Variants in AFP observed in about 807,000 individuals in gnomAD.
AFP encodes alpha fetoprotein.
Under a neutral mutation model 78.9 loss-of-function variants are expected in AFP, and 64 were observed. The observed-to-expected ratio is 0.81, with a 90% CI of 0.66 to 1.00. The LOEUF (loss-of-function observed/expected upper bound fraction) is 1.00. AFP is among the 50% of genes least tolerant of loss of function. AFP has a pLI of 0.00. For synonymous variants in AFP, 254 were observed against 243.8 expected, an observed-to-expected ratio of 1.04 and a Z score of -0.39; for missense variants, 689 against 703.8, an observed-to-expected ratio of 0.98 and a Z score of 0.24.
chr4:73,438,917 G>A (rs533964467), intron 3 of AFP, among the ~76,000 whole-genome samples: 5 of 152,194 alleles, frequency 3.3e-5, no homozygotes, highest in African/African-American at 9.6e-5. Flanking sequence ...CTGAGGCTCA[G>A]AGAATTTAAG....
Position 73,452,399 on chromosome 4 carries a change from A to G in AFP, c.1429-2A>G, listed in dbSNP as rs1360771195. ...ACTTTTTTTTCTCATTCTCCTAACC[A>G]GGCTGACATTATTATCGGACACTTA... is the stretch of plus-strand genomic sequence containing the variant. On this transcript the variant is annotated splice_acceptor_variant, in intron 11 of 14. Transcript: ENST00000395792. LOFTEE classifies it high-confidence loss of function. 2 of 1,613,648 alleles carry G rather than the reference A, an allele frequency of 1.2e-6. No homozygotes were observed. Among genetic ancestry groups the G allele is most frequent in the Admixed American group, 3.3e-5 (2 of 60,000 alleles).
At chr4:73,449,247 C>T (rs912783011) in intron 8 of AFP, 88 bp from the exon 9 acceptor site, 1 of 1,186,280 alleles carries the variant, frequency 8.4e-7, no homozygotes, top group African/African-American at 1.5e-5. Flanking sequence ...TTCCACATGC[C>T]ATATTATATA....
intron 2 of AFP, among the ~76,000 whole-genome samples, chr4:73,437,920 C>T (rs1719554145): frequency 6.6e-6 from 1 of 151,890 alleles, no homozygotes. Context: ...AAGGAGAAAC[C>T]ACTCTTATGG....
chr4:73,445,212 G>A (rs1489676840), intron 7 of AFP, 90 bp downstream of exon 7: 17 of 1,516,268 alleles, frequency 1.1e-5, no homozygotes, highest in Admixed American at 1.7e-5. Flanking sequence ...TGTTTGACTT[G>A]AATTGGTTAC....
Position 73,442,409 on chromosome 4 carries a change from T to C in AFP, c.596T>C (p.Val199Ala), listed in dbSNP as rs1447648613. ...IPSCCKAENA[V>A]ECFQTKAATV... The stretch of plus-strand genomic sequence containing the variant: ...TCTTGCTGCAAAGCTGAAAATGCAG[T>C]TGAATGCTTCCAAACAAAGGTATCA... Residue 199 changes from valine to alanine, a missense_variant, in exon 5 of 15, where the codon GTT (valine) becomes GCT (alanine). Physicochemically the swap from Val to Ala is moderately conservative, Grantham distance 64. Transcript: ENST00000395792. 2.5e-6 allele frequency: 4 copies of C among 1,613,978 alleles called. No individual in the cohort carries two copies. Among genetic ancestry groups the C allele is most frequent in the African/African-American group, 1.3e-5 (1 of 74,936 alleles).
rs1719837696 is a variant in AFP at position 73,446,652 on chromosome 4, TG to T, written c.844-809del. ...AGCAGAAAGTTTGCTCTCCATGTTA[TG>T]ATAAAGATGATTATCATTCTTACGG... is the stretch of plus-strand genomic sequence containing the variant. On this transcript the variant is annotated intron_variant, in intron 7 of 14. Transcript: ENST00000395792. Among the ~76,000 whole-genome samples the T allele has an allele frequency of 2.6e-5, 3 of 115,854 alleles. No homozygotes were observed. The Admixed American group carries it at 2.9e-4, about 11-fold the overall frequency. 76.0% of individuals were successfully genotyped at this position (115,854 alleles called of 152,430 possible). A position where few individuals can be genotyped will look rare whatever the true frequency, so the allele number is the denominator to read the frequency against.
At chr4:73,447,814 C>A in intron 8 of AFP, 138 bp downstream of exon 8, 1 of 743,218 alleles carries the variant, frequency 1.3e-6, no homozygotes. Flanking sequence ...ATGTTCTGAG[C>A]CAAAATAGAT....
rs1158768814 is a variant in AFP, at chr4:73,450,148, A to T, written c.1289+15A>T. On this transcript the variant is annotated intron_variant, in intron 10 of 14. Transcript: ENST00000395792. ...TTACAAAATGCGTATGTTTTTGTAA[A>T]CAGTATTTTTAGTGAATTAAAATTA... is the stretch of plus-strand genomic sequence containing the variant. The T allele has an allele frequency of 1.3e-6, 2 of 1,572,660 alleles. No homozygotes were observed. Among genetic ancestry groups the T allele is most frequent in the Non-Finnish European group, 1.7e-6 (2 of 1,144,046 alleles).
At chr4:73,439,638 A>G (rs923480000) in intron 3 of AFP, among the ~76,000 whole-genome samples, 2 of 152,178 alleles carry the variant, frequency 1.3e-5, no homozygotes, top group African/African-American at 4.8e-5. Flanking sequence ...AAGCTACATA[A>G]AAGTTCCCTC....
chr4:73,438,684 T>A (rs962396985), intron 3 of AFP, among the ~76,000 whole-genome samples: 1 of 152,072 alleles, frequency 6.6e-6, no homozygotes, highest in African/African-American at 2.4e-5. Context: ...ATACACACAA[T>A]GTGACTGGCA....
chr4:73,443,511 C>A, intron 6 of AFP, 67 bp downstream of exon 6: 3 of 1,269,758 alleles, frequency 2.4e-6, no homozygotes, highest in South Asian at 1.2e-5. Flanking sequence ...AATTTGGGTT[C>A]GTTTTTTTAA....
Position 73,455,275 on chromosome 4 carries a change from G to GT in AFP, c.1828dup (p.Ter610LeufsTer22), listed in dbSNP as rs1720123599. Reference sequence around the variant, plus strand: ...TTCAAAAACTCGTGCTGCTTTGGGAGTTTAAATTACTTCAGGTAACAAAAC... The same window carrying GT: ...TTCAAAAACTCGTGCTGCTTTGGGAGTTTTAAATTACTTCAGGTAACAAAAC... On this transcript the variant is annotated frameshift_variant, in exon 14 of 15. Coordinates refer to ENST00000395792, the MANE Select transcript of AFP (RefSeq NM_001134.3). LOFTEE classifies it high-confidence loss of function. 2 of 1,612,236 alleles carry GT rather than the reference G, an allele frequency of 1.2e-6. No individual in the cohort carries two copies. Among genetic ancestry groups the GT allele is most frequent in the African/African-American group, 2.7e-5 (2 of 74,992 alleles).
chr4:73,452,222 T>G (rs1720014913), intron 11 of AFP, among the ~76,000 whole-genome samples, 179 bp from the exon 12 acceptor site: 1 of 152,174 alleles, frequency 6.6e-6, no homozygotes, highest in Non-Finnish European at 1.5e-5. Context: ...CCCAAACAAA[T>G]GGGTAAATCC....
At chr4:73,439,483 C>T (rs2149333127) in intron 3 of AFP, among the ~76,000 whole-genome samples, 1 of 152,332 alleles carries the variant, frequency 6.6e-6, no homozygotes, top group Non-Finnish European at 1.5e-5. Flanking sequence ...TGCAACTTTA[C>T]AACCAATTAG....
chr4:73,441,419 T>A (rs1719659712), intron 4 of AFP, among the ~76,000 whole-genome samples: 1 of 151,032 alleles, frequency 6.6e-6, no homozygotes, highest in African/African-American at 2.4e-5. Flanking sequence ...ACAAAAAAAA[T>A]TAGCCGGGCG....
chr4:73,454,276 CTATT>C (rs2149337417), intron 13 of AFP, among the ~76,000 whole-genome samples: 1 of 152,070 alleles, frequency 6.6e-6, no homozygotes, highest in South Asian at 2.1e-4. Context: ...TATTAGGAGT[CTATT>C]TGTAGAAAAT....
chr4:73,451,333 A>G (rs1303556683), intron 11 of AFP, among the ~76,000 whole-genome samples: 2 of 152,176 alleles, frequency 1.3e-5, no homozygotes, highest in Non-Finnish European at 2.9e-5. Flanking sequence ...TCCTAATGTC[A>G]CTAGTATCAT....
intron 7 of AFP, 86 bp from the exon 8 acceptor site, chr4:73,447,376 C>T (rs1719860949): frequency 2.9e-6 from 3 of 1,029,230 alleles, no homozygotes; most frequent in Admixed American, 2.7e-5. Flanking sequence ...CCTCCCTCCC[C>T]TTTCTTCCTT....
At chr4:73,443,317 T>C (rs771283292) in intron 5 of AFP, 30 bp from the exon 6 acceptor site, 2 of 1,519,226 alleles carry the variant, frequency 1.3e-6, no homozygotes, top group Non-Finnish European at 1.8e-6. Flanking sequence ...AGTATATGCT[T>C]TCATGACATT....
Sources: gnomAD v4.1 joint callset for allele counts (sites outside exome capture counted in the v4.1 genomes callset) on GRCh38, gnomAD v4.1.1 for gene constraint, MANE v1.5 for transcripts, NCBI Gene and HGNC (gene_info 2026-07-23, HGNC 2026-07-21) for gene names.